AGO2: variants seen among roughly 807,000 people sequenced by gnomAD.
AGO2 encodes argonaute RISC catalytic component 2.
AGO2 carries 5 observed loss-of-function variants against 102.3 expected under a neutral mutation model. The observed-to-expected ratio is 0.05, with a 90% confidence interval of 0.03 to 0.10. AGO2 has a LOEUF of 0.10. Among genes scored for constraint, AGO2 ranks in the 10% least tolerant of loss-of-function variants. AGO2 has a pLI of 1.00. For synonymous variants in AGO2, 449 were observed against 473.1 expected (o/e 0.95, Z 0.66); for missense variants, 541 against 1,183.7 (o/e 0.46, Z 7.97).
chr8:140,557,844 T>C lies in AGO2; in HGVS notation c.879-608A>G, dbSNP rs989838074. ...TCCCCCAATCCAGACTGCCGGGCCA[T>C]CTGCAGCCTCTGCCAGGCCACAGGC... On this transcript the variant is annotated intron_variant, in intron 7 of 18. Coordinates refer to ENST00000220592, the MANE Select transcript of AGO2 (RefSeq NM_012154.5). The surrounding 1 kb of genome is among the most constrained non-coding windows in gnomAD (Gnocchi z 5.9). Among the ~76,000 whole-genome samples the C allele has an allele frequency of 9.9e-5, 15 of 152,212 alleles. No individual in the cohort carries two copies. In the East Asian group the frequency reaches 1.2e-3, roughly 12 times the overall value.
At chr8:140,543,966 C>T (rs188795775) in intron 14 of AGO2, among the ~76,000 whole-genome samples, 1 of 152,362 alleles carries the variant, frequency 6.6e-6, no homozygotes, top group African/African-American at 2.4e-5. Context: ...CCCTTCAGAC[C>T]TCCCAAAGGG....
rs555201736 is a variant in AGO2 at position 140,611,486 on chromosome 8, C to T, written c.22+23999G>A. On this transcript the variant is annotated intron_variant, in intron 1 of 18. Coordinates refer to ENST00000220592, the MANE Select transcript of AGO2 (RefSeq NM_012154.5). ...GGGATTACAGGCGCCCACCACCACA[C>T]CGGGCTAATTTTTGTATTTTTAGTA... is the stretch of plus-strand genomic sequence containing the variant. Among the ~76,000 whole-genome samples the T allele has an allele frequency of 3.9e-5, 6 of 152,244 alleles. No homozygotes were observed. In the East Asian group the frequency reaches 1.2e-3, roughly 29 times the overall value.
At chr8:140,559,257 C>T (rs955676275) in intron 6 of AGO2, 138 bp downstream of exon 6, 1 of 1,078,838 alleles carries the variant, frequency 9.3e-7, no homozygotes, top group African/African-American at 1.6e-5. Flanking sequence ...CTCCATGCTA[C>T]CTCATCTGAT....
At chr8:140,584,291 C>G (rs1164401275) in intron 2 of AGO2, among the ~76,000 whole-genome samples, 1 of 152,172 alleles carries the variant, frequency 6.6e-6, no homozygotes, top group Non-Finnish European at 1.5e-5. Flanking sequence ...TGAGAAACCA[C>G]TACTCACCCA....
At chr8:140,559,348 A>T in intron 6 of AGO2, 47 bp downstream of exon 6, 8 of 1,602,568 alleles carry the variant, frequency 5.0e-6, no homozygotes, top group Non-Finnish European at 6.8e-6. Context: ...GCGGACCGGG[A>T]AGGGGCCTCC....
Position 140,527,905 on chromosome 8 carries a change from G to A in AGO2, c.*4139C>T, listed in dbSNP as rs973241679. On this transcript the variant is annotated 3_prime_UTR_variant, in exon 19 of 19. Transcript: ENST00000220592. This position sits in a 1 kb window ranked among gnomAD's most constrained non-coding sequence, Gnocchi z 6.0. ...TGAAAAATCCTTTTAACTGTCCAGC[G>A]GGTCACAGTCCCGCCGAAGGACTCA... 6 of 152,204 alleles carry A rather than the reference G, an allele frequency of 3.9e-5. No individual in the cohort carries two copies. Among genetic ancestry groups the A allele is most frequent in the Middle Eastern group, 6.3e-3 (2 of 316 alleles). 9.4% of individuals were successfully genotyped at this position (152,204 alleles called of 1,614,324 possible).
At chr8:140,597,907 T>C (rs2073871938) in intron 1 of AGO2, among the ~76,000 whole-genome samples, 1 of 152,194 alleles carries the variant, frequency 6.6e-6, no homozygotes, top group Non-Finnish European at 1.5e-5. Flanking sequence ...ATCTGCCACC[T>C]GGGAGGACCA....
Position 140,525,218 on chromosome 8 carries a change from G to A in AGO2, c.*6826C>T, listed in dbSNP as rs935616202. ...CTTCTGAGTAAATTCTCACAAACGC[G>A]AAGATGGTGGGAGGGCCCAGCGCAG... On this transcript the variant is annotated 3_prime_UTR_variant, in exon 19 of 19. Transcript: ENST00000220592. The A allele has an allele frequency of 2.6e-5, 4 of 152,258 alleles. No individual in the cohort carries two copies. The highest frequency in any genetic ancestry group is 5.9e-5 in the Non-Finnish European group (4 of 68,054). 9.4% of individuals were successfully genotyped at this position (152,258 alleles called of 1,614,324 possible). A position where few individuals can be genotyped will look rare whatever the true frequency, so the allele number is the denominator to read the frequency against.
chr8:140,551,427 T>C lies in AGO2; in HGVS notation c.1279A>G (p.Ile427Val), dbSNP rs1412664124. The C allele has an allele frequency of 6.4e-6, 10 of 1,569,404 alleles. No individual in the cohort carries two copies. Among genetic ancestry groups the C allele is most frequent in the Non-Finnish European group, 8.7e-6 (10 of 1,151,870 alleles). ...SILYGGRNKA[I>V]ATPVQGVWDM... is the part of the protein sequence containing the mutation. ...CAGACGCCCTGGACAGGGGTCGCAATAGCTTTATTCTGCAAATGGCAAAAG... is the reference window on the plus strand; with the variant it reads ...CAGACGCCCTGGACAGGGGTCGCAACAGCTTTATTCTGCAAATGGCAAAAG... Residue 427 changes from isoleucine (I) to valine (V), a missense_variant, in exon 11 of 19, where the codon ATT becomes GTT. Physicochemically the swap from Ile to Val is conservative, Grantham distance 29. Transcript: ENST00000220592.
intron 2 of AGO2, among the ~76,000 whole-genome samples, chr8:140,583,239 CTT>C (rs2073585202): frequency 2.0e-5 from 3 of 152,222 alleles, no homozygotes. Flanking sequence ...GATTATAAGG[CTT>C]TCAGACTTGG....
intron 3 of AGO2, among the ~76,000 whole-genome samples, chr8:140,569,600 C>T (rs891468711): frequency 2.5e-4 from 38 of 152,228 alleles, no homozygotes; most frequent in Admixed American, 1.7e-3. Context: ...CAAGGGCAGG[C>T]ATGGAGCTGG....
chr8:140,525,255 TG>T lies in AGO2; in HGVS notation c.*6788del, dbSNP rs1438113049. On this transcript the variant is annotated 3_prime_UTR_variant, in exon 19 of 19. Transcript: ENST00000220592. ...AGGGCCCAGCGCAGCATTCCGGAGA[TG>T]CGCGTGCAGGAAGCTTGCGGTGGAT... 6.6e-6 allele frequency: 1 copy of T among 152,260 alleles called. No individual in the cohort carries two copies. Among genetic ancestry groups the T allele is most frequent in the Non-Finnish European group, 1.5e-5 (1 of 68,064 alleles). 9.4% of individuals were successfully genotyped at this position (152,260 alleles called of 1,614,324 possible).
intron 3 of AGO2, among the ~76,000 whole-genome samples, chr8:140,566,602 C>CTTTTT (rs71504806): frequency 7.3e-6 from 1 of 137,138 alleles, no homozygotes. Context: ...CCTTTACTTT[C>CTTTTT]TTTTTTTTTT....
chr8:140,595,991 T>TAA (rs1304293436), intron 1 of AGO2, among the ~76,000 whole-genome samples: 16 of 125,990 alleles, frequency 1.3e-4, no homozygotes, highest in African/African-American at 4.2e-4. Flanking sequence ...ATAATATATA[T>TAA]ATTATATATA....
At chr8:140,581,693 C>A (rs1482677009) in intron 2 of AGO2, among the ~76,000 whole-genome samples, 3 of 152,172 alleles carry the variant, frequency 2.0e-5, no homozygotes, top group Non-Finnish European at 4.4e-5. Context: ...TCTAGGAAGA[C>A]CTTTAGTAAA....
intron 2 of AGO2, among the ~76,000 whole-genome samples, chr8:140,577,727 C>G (rs2073488703): frequency 6.6e-6 from 1 of 152,042 alleles, no homozygotes. Flanking sequence ...ACACACTTCT[C>G]AATGACTTAT....
intron 2 of AGO2, among the ~76,000 whole-genome samples, chr8:140,577,605 C>G (rs2073487097): frequency 6.6e-6 from 1 of 152,148 alleles, no homozygotes; most frequent in Non-Finnish European, 1.5e-5. Flanking sequence ...TGAGGAGGAG[C>G]AGCTGGAGGG....
chr8:140,609,081 G>A (rs963936430), intron 1 of AGO2, among the ~76,000 whole-genome samples: 10 of 152,238 alleles, frequency 6.6e-5, no homozygotes, highest in South Asian at 4.1e-4. Context: ...GGGCCTCAGC[G>A]GGGGAGCAGG....
intron 3 of AGO2, among the ~76,000 whole-genome samples, chr8:140,570,048 T>C (rs990477724): frequency 2.0e-5 from 3 of 152,236 alleles, no homozygotes; most frequent in African/African-American, 4.8e-5. Context: ...AAGATGGACA[T>C]GGGACACCGC....
Sources: gnomAD v4.1 joint callset for allele counts (sites outside exome capture counted in the v4.1 genomes callset) on GRCh38, gnomAD v4.1.1 for gene constraint, Gnocchi (gnomAD v3.1) non-coding constraint, MANE v1.5 for transcripts, NCBI Gene and HGNC (gene_info 2026-07-23, HGNC 2026-07-21) for gene names.